Variants in CRTC3 observed in about 807,000 individuals in gnomAD.
The protein encoded by CRTC3 is CREB-regulated transcription coactivator 3.
Under a neutral mutation model 74.5 loss-of-function variants are expected in CRTC3, and 26 were observed. The observed-to-expected ratio is 0.35, with a 90% CI of 0.26 to 0.48. The LOEUF is 0.48. CRTC3 is among the 20% of genes least tolerant of loss of function. CRTC3 has a pLI of 0.99. For missense variants in CRTC3, 760 were observed against 787.3 expected, an observed-to-expected ratio of 0.97 and a Z score of 0.41; for synonymous variants, 377 against 325.8, an observed-to-expected ratio of 1.16 and a Z score of -1.69.
At chr15:90,540,849 A>T (rs142048681) in intron 2 of CRTC3, among the ~76,000 whole-genome samples, 78 of 152,286 alleles carry the variant, frequency 5.1e-4, no homozygotes, top group African/African-American at 1.8e-3. Flanking sequence ...CAATCAGCAT[A>T]AAAAAACTGA....
Position 90,530,352 on chromosome 15 carries a change from C to T in CRTC3, c.132+149C>T. 3.1e-6 allele frequency: 1 copy of T among 323,928 alleles called. No individual in the cohort carries two copies. The highest frequency in any genetic ancestry group is 4.4e-6 in the Non-Finnish European group (1 of 224,952). The allele number at this position is 323,928 out of a possible 1,614,324, so 20.1% of individuals were successfully genotyped here. A position where few individuals can be genotyped will look rare whatever the true frequency, so the allele number is the denominator to read the frequency against. On this transcript the variant is annotated intron_variant, in intron 1 of 14. Transcript: ENST00000268184. This position sits in a 1 kb window ranked among gnomAD's most constrained non-coding sequence, Gnocchi z 6.2. ...CGGCTGGGAGGGGGACCGGAGCGGC[C>T]GCGGCCTCGGCGTTTCCCCGCCTGG...
intron 2 of CRTC3, among the ~76,000 whole-genome samples, chr15:90,573,251 G>T (rs1967319568): frequency 6.6e-6 from 1 of 152,220 alleles, no homozygotes; most frequent in Admixed American, 6.5e-5. Flanking sequence ...ACAAAGGCGT[G>T]AACACCAGGA....
At chr15:90,609,237 G>T (rs932811265) in intron 6 of CRTC3, among the ~76,000 whole-genome samples, 4 of 152,198 alleles carry the variant, frequency 2.6e-5, no homozygotes, top group Admixed American at 2.0e-4. Flanking sequence ...ATCTACCCAT[G>T]CTTCCATACA....
chr15:90,558,076 G>GTAAATGACAACTTAGTTCTT (rs2151064546), intron 2 of CRTC3, among the ~76,000 whole-genome samples: 1 of 152,188 alleles, frequency 6.6e-6, no homozygotes, highest in East Asian at 1.9e-4. Context: ...ACTTTTCTCT[G>GTAAATGACAACTTAGTTCTT]TAAATGACAA....
Position 90,589,706 on chromosome 15 carries a change from G to A in CRTC3, c.232-3930G>A, listed in dbSNP as rs8025630. On this transcript the variant is annotated intron_variant, in intron 2 of 14. Coordinates refer to ENST00000268184, the MANE Select transcript of CRTC3 (RefSeq NM_022769.5). ...GCAACGTGCAATGTTTAAAATACTG[G>A]CCGGGTGCAGTTGCTCACCCCTGTA... 3.5e-3 allele frequency among the ~76,000 whole-genome samples: 530 copies of A among 152,314 alleles called. 1 individual carries two copies. The highest frequency in any genetic ancestry group is 0.012 in the African/African-American group (505 of 41,552).
At chr15:90,567,664 G>A (rs1430942694) in intron 2 of CRTC3, among the ~76,000 whole-genome samples, 1 of 141,190 alleles carries the variant, frequency 7.1e-6, no homozygotes, top group Non-Finnish European at 1.6e-5. Flanking sequence ...CTCCAGCCAG[G>A]GCAACAAGAG....
chr15:90,585,478 C>G (rs1967638441), intron 2 of CRTC3, among the ~76,000 whole-genome samples: 1 of 151,580 alleles, frequency 6.6e-6, no homozygotes, highest in Non-Finnish European at 1.5e-5. Flanking sequence ...TTTTTAACTT[C>G]TGTATATATC....
chr15:90,550,448 G>GTT (rs34296183), intron 2 of CRTC3, among the ~76,000 whole-genome samples: 74,545 of 142,588 alleles, frequency 0.52, 20,072 homozygotes, highest in African/African-American at 0.57. Flanking sequence ...TCCTTTGCCT[G>GTT]TTTTTTTTTT....
chr15:90,555,594 C>A (rs568976305), intron 2 of CRTC3, among the ~76,000 whole-genome samples: 1 of 151,978 alleles, frequency 6.6e-6, no homozygotes, highest in Non-Finnish European at 1.5e-5. Context: ...CTTGGCTAAC[C>A]GCAACCTCTG....
At chr15:90,622,518 C>A (rs1443357430) in intron 9 of CRTC3, among the ~76,000 whole-genome samples, 2 of 152,160 alleles carry the variant, frequency 1.3e-5, no homozygotes, top group African/African-American at 2.4e-5. Flanking sequence ...AGTCCTTGAT[C>A]TTTAACCCTA....
intron 2 of CRTC3, among the ~76,000 whole-genome samples, chr15:90,553,354 G>A (rs995656514): frequency 2.0e-5 from 3 of 152,208 alleles, no homozygotes; most frequent in Non-Finnish European, 4.4e-5. Context: ...GAGAAGCACA[G>A]AGAGTTAGGG....
intron 10 of CRTC3, among the ~76,000 whole-genome samples, chr15:90,627,686 A>G (rs535357259): frequency 6.7e-6 from 1 of 150,022 alleles, no homozygotes; most frequent in African/African-American, 2.5e-5. Context: ...CAGTGGCGCC[A>G]TCTCGGCTCA....
intron 8 of CRTC3, 96 bp downstream of exon 8, chr15:90,618,064 G>A: frequency 1.3e-6 from 1 of 747,032 alleles, no homozygotes; most frequent in South Asian, 1.6e-5. Flanking sequence ...AGAGGAACTG[G>A]GGGAAAAGGA....
intron 2 of CRTC3, among the ~76,000 whole-genome samples, chr15:90,563,444 T>C (rs1372464536): frequency 4.6e-5 from 7 of 151,976 alleles, no homozygotes; most frequent in African/African-American, 1.7e-4. Context: ...ATAAAAGTTT[T>C]AAAACAGCTT....
intron 2 of CRTC3, among the ~76,000 whole-genome samples, chr15:90,554,355 A>C (rs1966872183): frequency 6.6e-6 from 1 of 151,974 alleles, no homozygotes; most frequent in Non-Finnish European, 1.5e-5. Context: ...GGTGTGTGCC[A>C]CCAAGCCCAG....
intron 1 of CRTC3, among the ~76,000 whole-genome samples, chr15:90,531,765 AATAC>A (rs965452781): frequency 2.6e-5 from 4 of 152,142 alleles, no homozygotes; most frequent in Non-Finnish European, 4.4e-5. Context: ...TGTGTTTTTA[AATAC>A]ATACTGTACA....
chr15:90,556,916 G>C (rs1966900460), intron 2 of CRTC3, among the ~76,000 whole-genome samples: 1 of 147,598 alleles, frequency 6.8e-6, no homozygotes, highest in Admixed American at 6.8e-5. Flanking sequence ...TTCATTTTTA[G>C]TGCCAACCAT....
chr15:90,551,558 A>G (rs7182899), intron 2 of CRTC3, among the ~76,000 whole-genome samples: 19,636 of 151,904 alleles, frequency 0.13, 1,720 homozygotes, highest in African/African-American at 0.25. Flanking sequence ...GAAGTGGGAG[A>G]GTTCTTGGAG....
At chr15:90,587,217 G>T (rs534384812) in intron 2 of CRTC3, among the ~76,000 whole-genome samples, 1 of 152,312 alleles carries the variant, frequency 6.6e-6, no homozygotes, top group South Asian at 2.1e-4. Context: ...AGGTAGGTGT[G>T]CACCTACACG....
Sources: allele counts gnomAD v4.1 joint callset (sites outside exome capture counted in the v4.1 genomes callset), GRCh38; gene constraint gnomAD v4.1.1; non-coding constraint Gnocchi (gnomAD v3.1); transcripts MANE v1.5; gene names NCBI Gene and HGNC (gene_info 2026-07-23, HGNC 2026-07-21).